Variants in PTPRK observed in about 807,000 individuals in gnomAD.
PTPRK encodes protein tyrosine phosphatase receptor type K, also known as receptor-type tyrosine-protein phosphatase kappa.
A neutral mutation model predicts 178.0 loss-of-function variants in PTPRK; 75 were observed. The ratio of observed to expected loss-of-function variants is 0.42; its 90% CI spans 0.35 to 0.51. The LOEUF is 0.51. Ranked by LOEUF, PTPRK falls within the 20% of genes least tolerant of loss-of-function variation. The probability of loss-of-function intolerance (pLI) is 0.02; values close to 1 mark genes in which losing one functional copy is unlikely to be tolerated. For missense variants in PTPRK, 1,441 were observed against 1,797.8 expected, an observed-to-expected ratio of 0.80 and a Z score of 3.59; for synonymous variants, 637 against 620.6, an observed-to-expected ratio of 1.03 and a Z score of -0.39.
At chr6:128,080,076 G>A (rs1784545457) in intron 10 of PTPRK, among the ~76,000 whole-genome samples, 1 of 151,798 alleles carries the variant, frequency 6.6e-6, no homozygotes, top group East Asian at 1.9e-4. Flanking sequence ...AAACCAGAAG[G>A]CTCAGGGTGT....
chr6:128,491,132 T>G (rs1853708054), intron 1 of PTPRK, among the ~76,000 whole-genome samples: 1 of 152,202 alleles, frequency 6.6e-6, no homozygotes, highest in African/African-American at 2.4e-5. Context: ...ACTATACAAG[T>G]GCCTGGCTCA....
chr6:128,054,167 CTT>C (rs1278393385), intron 13 of PTPRK, among the ~76,000 whole-genome samples: 1 of 152,142 alleles, frequency 6.6e-6, no homozygotes, highest in Non-Finnish European at 1.5e-5. Flanking sequence ...AGACAGAAAA[CTT>C]TTATTCTTTA....
chr6:128,477,698 GA>G (rs1280292911), intron 1 of PTPRK, among the ~76,000 whole-genome samples: 1 of 152,032 alleles, frequency 6.6e-6, no homozygotes, highest in Non-Finnish European at 1.5e-5. Context: ...ACTAAGAAAT[GA>G]AAAACTGTGT....
chr6:128,219,127 GT>G lies in PTPRK; in HGVS notation c.694-32del, dbSNP rs751791180. On this transcript the variant is annotated intron_variant, in intron 5 of 29. Transcript: ENST00000368226. ...AACAGAAACCAATCTTTAAAAACAG[GT>G]TCTTACTATTTTCATAAATCTATAA... The G allele has an allele frequency of 1.7e-5, 27 of 1,551,150 alleles. No individual in the cohort carries two copies. In the African/African-American group the frequency reaches 3.6e-4, roughly 21 times the overall value.
At chr6:128,336,234 G>A (rs1830914030) in intron 2 of PTPRK, among the ~76,000 whole-genome samples, 2 of 150,978 alleles carry the variant, frequency 1.3e-5, no homozygotes, top group African/African-American at 2.4e-5. Flanking sequence ...TGCCCTGAGA[G>A]CAACTGAGAA....
chr6:128,254,693 C>A (rs1816998921), intron 3 of PTPRK, among the ~76,000 whole-genome samples: 2 of 150,414 alleles, frequency 1.3e-5, no homozygotes, highest in African/African-American at 2.4e-5. Context: ...AATTTTAAGG[C>A]AAAATATTTT....
chr6:128,268,648 T>G (rs1819321774), intron 3 of PTPRK, among the ~76,000 whole-genome samples: 1 of 152,066 alleles, frequency 6.6e-6, no homozygotes, highest in African/African-American at 2.4e-5. Flanking sequence ...AAAATTATTT[T>G]TAACAATTCA....
chr6:128,396,497 C>T (rs148691771), intron 2 of PTPRK, among the ~76,000 whole-genome samples: 14 of 151,894 alleles, frequency 9.2e-5, no homozygotes, highest in African/African-American at 2.4e-4. Flanking sequence ...TAAGCATATA[C>T]GCACAGAACT....
chr6:128,323,001 G>A (rs1829039761), intron 2 of PTPRK, among the ~76,000 whole-genome samples: 1 of 152,076 alleles, frequency 6.6e-6, no homozygotes, highest in Non-Finnish European at 1.5e-5. Flanking sequence ...TAAGGTGTCA[G>A]CTAATCACCA....
rs558280226 is a variant in PTPRK, at chr6:128,245,129, G to T, written c.496-2527C>A. Among the ~76,000 whole-genome samples the T allele has an allele frequency of 1.2e-4, 18 of 152,176 alleles. 1 individual carries two copies. The highest frequency in any genetic ancestry group is 4.1e-4 in the African/African-American group (17 of 41,542). The stretch of plus-strand genomic sequence containing the variant: ...TCCTCATTACAATCACACGAGGTAG[G>T]TATTATTTTCATGTTCATTTTAAAG... On this transcript the variant is annotated intron_variant, in intron 3 of 29. Coordinates refer to ENST00000368226, the MANE Select transcript of PTPRK (RefSeq NM_002844.4).
chr6:128,119,620 G>T (rs2114388613), intron 7 of PTPRK, among the ~76,000 whole-genome samples: 1 of 151,928 alleles, frequency 6.6e-6, no homozygotes, highest in East Asian at 1.9e-4. Flanking sequence ...ATTTACTCAA[G>T]GACCAAATTG....
chr6:128,378,418 T>C (rs1282458387), intron 2 of PTPRK, among the ~76,000 whole-genome samples: 4 of 152,080 alleles, frequency 2.6e-5, no homozygotes, highest in Non-Finnish European at 5.9e-5. Flanking sequence ...CACACAAACA[T>C]AGACTTAGAG....
chr6:128,144,917 C>A (rs1264633335), intron 7 of PTPRK, among the ~76,000 whole-genome samples: 1 of 152,074 alleles, frequency 6.6e-6, no homozygotes, highest in Non-Finnish European at 1.5e-5. Flanking sequence ...ATGTTCAATG[C>A]TTCTCTACCA....
intron 3 of PTPRK, among the ~76,000 whole-genome samples, chr6:128,285,477 T>C (rs976513415): frequency 6.8e-6 from 1 of 146,250 alleles, no homozygotes; most frequent in African/African-American, 2.5e-5. Context: ...ATTGCACCAC[T>C]GCACTCCAGT....
intron 6 of PTPRK, among the ~76,000 whole-genome samples, chr6:128,211,963 G>A (rs1418588399): frequency 6.6e-6 from 1 of 151,810 alleles, no homozygotes; most frequent in Non-Finnish European, 1.5e-5. Flanking sequence ...CAACTATAGA[G>A]CTTCTGTTCA....
At chr6:128,419,617 AAAAAAAAGAAAAAG>A (rs1471817145) in intron 1 of PTPRK, among the ~76,000 whole-genome samples, 1 of 152,070 alleles carries the variant, frequency 6.6e-6, no homozygotes, top group African/African-American at 2.4e-5. Flanking sequence ...GTCTCAAAAA[AAAAAAAAGAAAAAG>A]AAAAAAAGAA....
Position 128,210,713 on chromosome 6 carries a change from T to C in PTPRK, c.868+8209A>G, listed in dbSNP as rs574595277. On this transcript the variant is annotated intron_variant, in intron 6 of 29. Coordinates refer to ENST00000368226, the MANE Select transcript of PTPRK (RefSeq NM_002844.4). ...AAAGGACTGTGATTTTTTTTCCCCCTTAATGTGAAGGGAAGCTGCTGGAGG... is the reference window on the plus strand; with the variant it reads ...AAAGGACTGTGATTTTTTTTCCCCCCTAATGTGAAGGGAAGCTGCTGGAGG... Among the ~76,000 whole-genome samples the C allele has an allele frequency of 7.9e-5, 12 of 152,150 alleles. No homozygotes were observed. The South Asian group carries it at 2.1e-3, about 26-fold the overall frequency.
intron 13 of PTPRK, among the ~76,000 whole-genome samples, chr6:128,051,305 G>T (rs1778961494): frequency 6.6e-6 from 1 of 152,050 alleles, no homozygotes; most frequent in Non-Finnish European, 1.5e-5. Context: ...TAAAGTCCTA[G>T]CAATCTCCTT....
rs776685235 is a variant in PTPRK at position 128,005,133 on chromosome 6, T to A, written c.2445A>T (p.Glu815Asp). The A allele has an allele frequency of 6.2e-7, 1 of 1,611,264 alleles. No individual in the cohort carries two copies. The highest frequency in any genetic ancestry group is 2.2e-5 in the East Asian group (1 of 44,772). The change falls in exon 15 of 30, where the codon GAA (glutamate) becomes GAT (aspartate). Residue 815 changes from glutamate to aspartate, a missense_variant. Glu to Asp is a conservative substitution (Grantham distance 45). This residue lies in a region of PTPRK where 945 missense variants were observed against 1,080.6 expected (regional missense o/e 0.87). Coordinates refer to ENST00000368226, the MANE Select transcript of PTPRK (RefSeq NM_002844.4). ...SYADQSTLHA[E>D]DPLSITFMDQ... ...CCATGAAGGTGATGGAAAGAGGATCTTCTGCATGCAGAGTGCTCTGATCAG... is the reference window on the plus strand; with the variant it reads ...CCATGAAGGTGATGGAAAGAGGATCATCTGCATGCAGAGTGCTCTGATCAG...
Sources: gnomAD v4.1 joint callset for allele counts (sites outside exome capture counted in the v4.1 genomes callset) on GRCh38, gnomAD v4.1.1 for gene constraint, gnomAD v4.1.1 regional missense constraint, MANE v1.5 for transcripts, NCBI Gene and HGNC (gene_info 2026-07-23, HGNC 2026-07-21) for gene names.